ADGRB3: variants seen among roughly 807,000 people sequenced by gnomAD.
ADGRB3 encodes the protein brain-specific angiogenesis inhibitor 3.
A neutral mutation model predicts 193.4 loss-of-function variants in ADGRB3; 37 were observed. The ratio of observed to expected loss-of-function variants is 0.19; its 90% CI spans 0.15 to 0.25. ADGRB3 has a LOEUF of 0.25. ADGRB3 is among the 10% of genes least tolerant of loss of function. ADGRB3 has a pLI of 1.00. For synonymous variants in ADGRB3, 690 were observed against 644.2 expected (o/e 1.07, Z -1.08); for missense variants, 1,637 against 1,852.9 (o/e 0.88, Z 2.14).
intron 13 of ADGRB3, among the ~76,000 whole-genome samples, chr6:69,034,575 A>G (rs1458095180): frequency 6.8e-6 from 1 of 147,260 alleles, no homozygotes; most frequent in Non-Finnish European, 1.5e-5. Flanking sequence ...ATATAGCTAT[A>G]TATTTTATAA....
chr6:69,038,323 T>TAC (rs933762802), intron 13 of ADGRB3, among the ~76,000 whole-genome samples: 1 of 125,614 alleles, frequency 8.0e-6, no homozygotes, highest in African/African-American at 2.6e-5. Context: ...ATATCATGAA[T>TAC]ACACAGACAC....
At chr6:69,350,865 C>G (rs1009547225) in intron 26 of ADGRB3, among the ~76,000 whole-genome samples, 4 of 151,906 alleles carry the variant, frequency 2.6e-5, no homozygotes, top group African/African-American at 9.7e-5. Context: ...CAATTCACAT[C>G]AATTCACCAA....
At chr6:68,795,956 C>T (rs1767198948) in intron 3 of ADGRB3, among the ~76,000 whole-genome samples, 2 of 152,076 alleles carry the variant, frequency 1.3e-5, no homozygotes, top group South Asian at 4.1e-4. Flanking sequence ...GAATCTTAGA[C>T]TCGTAAAATT....
intron 3 of ADGRB3, among the ~76,000 whole-genome samples, chr6:68,880,491 C>T (rs1765703777): frequency 6.6e-6 from 1 of 152,170 alleles, no homozygotes; most frequent in East Asian, 1.9e-4. Context: ...CCATCCCACC[C>T]TCCAAAACAT....
At chr6:68,861,223 C>T (rs1037779617) in intron 3 of ADGRB3, among the ~76,000 whole-genome samples, 1 of 152,100 alleles carries the variant, frequency 6.6e-6, no homozygotes, top group Non-Finnish European at 1.5e-5. Context: ...TTCCTGGCCT[C>T]TATAATCCAC....
At chr6:69,283,931 C>T (rs1435146053) in intron 20 of ADGRB3, among the ~76,000 whole-genome samples, 1 of 152,084 alleles carries the variant, frequency 6.6e-6, no homozygotes, top group African/African-American at 2.4e-5. Flanking sequence ...AATACAGCAG[C>T]ATGAGAAGTT....
At chr6:69,286,792 T>TC (rs1767562094) in intron 20 of ADGRB3, among the ~76,000 whole-genome samples, 1 of 152,170 alleles carries the variant, frequency 6.6e-6, no homozygotes, top group African/African-American at 2.4e-5. Context: ...AAATGAACAT[T>TC]CCAACTGCTA....
intron 26 of ADGRB3, among the ~76,000 whole-genome samples, chr6:69,352,204 A>G (rs770587842): frequency 2.6e-5 from 4 of 152,192 alleles, no homozygotes; most frequent in Admixed American, 1.3e-4. Flanking sequence ...TCGATTACTA[A>G]TGTCTCTCTT....
chr6:69,140,000 G>A (rs1363657043), intron 17 of ADGRB3, among the ~76,000 whole-genome samples: 4 of 152,252 alleles, frequency 2.6e-5, no homozygotes, highest in African/African-American at 9.6e-5. Context: ...TAGAACTAGA[G>A]TCTGTATTCT....
At chr6:69,351,330 T>C (rs1410906536) in intron 26 of ADGRB3, among the ~76,000 whole-genome samples, 1 of 151,468 alleles carries the variant, frequency 6.6e-6, no homozygotes, top group African/African-American at 2.4e-5. Context: ...CCTGACCTCA[T>C]GTTCCGCCCG....
intron 21 of ADGRB3, among the ~76,000 whole-genome samples, chr6:69,326,096 A>C (rs1028429519): frequency 6.6e-5 from 10 of 152,102 alleles, no homozygotes; most frequent in Admixed American, 2.0e-4. Context: ...GCAAAAAATT[A>C]GCCGGGAGTG....
Position 68,775,375 on chromosome 6 carries a change from G to A in ADGRB3, c.757+135943G>A, listed in dbSNP as rs60089157. On this transcript the variant is annotated intron_variant, in intron 3 of 31. Transcript: ENST00000370598. ...CATGTGTGATCCCCAGGCTGCTGTG[G>A]GTCACTAGACGTGGTTATAGAGAGT... is the stretch of plus-strand genomic sequence containing the variant. 6.2e-3 allele frequency among the ~76,000 whole-genome samples: 939 copies of A among 152,096 alleles called. 8 individuals are homozygous for A. The highest frequency in any genetic ancestry group is 0.021 in the African/African-American group (855 of 41,508).
intron 17 of ADGRB3, among the ~76,000 whole-genome samples, chr6:69,177,784 C>G (rs1490888546): frequency 2.0e-5 from 3 of 152,112 alleles, no homozygotes; most frequent in Non-Finnish European, 4.4e-5. Flanking sequence ...TTTTATTCTA[C>G]CATGGTCTGA....
intron 3 of ADGRB3, among the ~76,000 whole-genome samples, chr6:68,676,306 G>T (rs866140881): frequency 6.6e-5 from 10 of 150,884 alleles, no homozygotes; most frequent in Middle Eastern, 3.4e-3. Flanking sequence ...CGAGATAATG[G>T]CTTGAACCGG....
At chr6:69,312,838 G>A (rs994956394) in intron 20 of ADGRB3, among the ~76,000 whole-genome samples, 6 of 151,708 alleles carry the variant, frequency 4.0e-5, no homozygotes, top group African/African-American at 1.5e-4. Context: ...TTCCATGTGT[G>A]TTATTCTTTT....
At chr6:69,081,480 A>G (rs1772384600) in intron 17 of ADGRB3, among the ~76,000 whole-genome samples, 1 of 152,002 alleles carries the variant, frequency 6.6e-6, no homozygotes, top group Non-Finnish European at 1.5e-5. Flanking sequence ...AGCAATAGAA[A>G]AAATTTAATT....
chr6:69,122,993 C>T (rs1327196118), intron 17 of ADGRB3, among the ~76,000 whole-genome samples: 11 of 148,716 alleles, frequency 7.4e-5, no homozygotes, highest in Admixed American at 4.1e-4. Flanking sequence ...TATACACATA[C>T]GTGTGAGTGT....
At chr6:68,997,488 C>CAAAAAAAAAAAAAA (rs748557247) in intron 11 of ADGRB3, among the ~76,000 whole-genome samples, 3 of 52,156 alleles carry the variant, frequency 5.8e-5, no homozygotes, top group Admixed American at 2.5e-4. Flanking sequence ...ACTAAAAATA[C>CAAAAAAAAAAAAAA]AAAAAAAAAA....
At position 68,639,529 on chromosome 6, in the gene ADGRB3, T is replaced by C. The variant is rs1768033931; in HGVS notation, c.757+97T>C. The C allele has an allele frequency of 1.5e-5, 20 of 1,355,346 alleles. No homozygotes were observed. The South Asian group carries it at 2.9e-4, about 20-fold the overall frequency. 84.0% of individuals were successfully genotyped at this position (1,355,346 alleles called of 1,614,324 possible). On this transcript the variant is annotated intron_variant, in intron 3 of 31. Transcript: ENST00000370598. Reference sequence around the variant, plus strand: ...AACACACAGGCCTAATTATTTATCCTTTATTGTCACTTTTTGATTCATTTG... The same window carrying C: ...AACACACAGGCCTAATTATTTATCCCTTATTGTCACTTTTTGATTCATTTG...
Sources: gnomAD v4.1 joint callset for allele counts (sites outside exome capture counted in the v4.1 genomes callset) on GRCh38, gnomAD v4.1.1 for gene constraint, MANE v1.5 for transcripts, NCBI Gene and HGNC (gene_info 2026-07-23, HGNC 2026-07-21) for gene names.